Variants in NRXN3 observed in about 807,000 individuals in gnomAD.
NRXN3 encodes the protein neurexin 3, also known as neurexin III.
A neutral mutation model predicts 137.6 loss-of-function variants in NRXN3; 32 were observed. That is an observed-to-expected ratio of 0.23 (90% CI 0.18 to 0.31). NRXN3 has a LOEUF of 0.31. Among genes scored for constraint, NRXN3 ranks in the 10% least tolerant of loss-of-function variants. The pLI is 1.00. For synonymous variants in NRXN3, 798 were observed against 784.5 expected (o/e 1.02, Z -0.29); for missense variants, 1,574 against 2,062.5 (o/e 0.76, Z 4.59).
chr14:79,124,259 G>T (rs2056010859), intron 15 of NRXN3, among the ~76,000 whole-genome samples: 1 of 152,170 alleles, frequency 6.6e-6, no homozygotes, highest in East Asian at 1.9e-4. Flanking sequence ...AGTCTTCATT[G>T]CCTGCTCTCA....
At chr14:79,373,283 G>A (rs1265028015) in intron 15 of NRXN3, among the ~76,000 whole-genome samples, 2 of 151,948 alleles carry the variant, frequency 1.3e-5, no homozygotes, top group African/African-American at 4.8e-5. Flanking sequence ...AAATGCTCAT[G>A]GAAAACACTC....
intron 15 of NRXN3, among the ~76,000 whole-genome samples, chr14:79,352,698 G>A (rs1466868067): frequency 6.6e-6 from 1 of 152,100 alleles, no homozygotes; most frequent in East Asian, 1.9e-4. Flanking sequence ...GCTAAGATAT[G>A]TCTGATGCTA....
At chr14:79,811,581 CTTTT>C (rs370942970) in intron 20 of NRXN3, among the ~76,000 whole-genome samples, 1 of 116,606 alleles carries the variant, frequency 8.6e-6, no homozygotes, top group African/African-American at 3.2e-5. Flanking sequence ...TTTCTTTTTT[CTTTT>C]TTTTTTTTTT....
At chr14:78,444,985 A>G (rs1443645297) in intron 4 of NRXN3, among the ~76,000 whole-genome samples, 1 of 150,924 alleles carries the variant, frequency 6.6e-6, no homozygotes, top group Non-Finnish European at 1.5e-5. Context: ...CACCCAAGAT[A>G]TTTAATACAA....
intron 4 of NRXN3, among the ~76,000 whole-genome samples, chr14:78,509,285 C>T (rs1466523461): frequency 2.0e-5 from 3 of 152,102 alleles, no homozygotes; most frequent in East Asian, 1.9e-4. Context: ...GGCAACAGAG[C>T]GAGACCCCAT....
At chr14:79,182,304 A>G (rs934010289) in intron 15 of NRXN3, among the ~76,000 whole-genome samples, 1 of 70,064 alleles carries the variant, frequency 1.4e-5, no homozygotes, top group African/African-American at 5.6e-5. Flanking sequence ...ATTTATTTCT[A>G]TTATTACTAT....
chr14:79,782,304 T>C (rs1432953966), intron 19 of NRXN3, among the ~76,000 whole-genome samples: 2 of 152,212 alleles, frequency 1.3e-5, no homozygotes, highest in African/African-American at 4.8e-5. Flanking sequence ...CCCTATAGTT[T>C]CATGGAGTAA....
intron 15 of NRXN3, among the ~76,000 whole-genome samples, chr14:79,112,565 C>G (rs2053717673): frequency 6.6e-6 from 1 of 152,212 alleles, no homozygotes; most frequent in African/African-American, 2.4e-5. Flanking sequence ...TCTTTGCTGA[C>G]TTATTCAACA....
intron 10 of NRXN3, among the ~76,000 whole-genome samples, chr14:78,895,618 A>G (rs1383767211): frequency 6.6e-6 from 1 of 151,874 alleles, no homozygotes; most frequent in African/African-American, 2.4e-5. Context: ...TGCATTCACA[A>G]CTAGGTTAAC....
intron 10 of NRXN3, among the ~76,000 whole-genome samples, chr14:78,845,906 GT>G (rs1596442977): frequency 1.8e-5 from 1 of 56,652 alleles, no homozygotes; most frequent in Non-Finnish European, 3.3e-5. Context: ...GTATGTTGGG[GT>G]GTGTGTGTGT....
intron 4 of NRXN3, among the ~76,000 whole-genome samples, chr14:78,319,487 G>A (rs566860005): frequency 1.3e-5 from 2 of 152,156 alleles, no homozygotes; most frequent in Non-Finnish European, 2.9e-5. Context: ...ATTTCTGGGG[G>A]CCTACATGAT....
rs77889080 is a variant in NRXN3 at position 79,360,637 on chromosome 14, T to C, written c.3263-106584T>C. ...CAAGCTTTGGAGGTAAAATAGCTCA[T>C]GGAGTTTTTATTTATTTATTTATTC... On this transcript the variant is annotated intron_variant, in intron 15 of 20. Transcript: ENST00000335750. Among the ~76,000 whole-genome samples the C allele has an allele frequency of 6.4e-3, 982 of 152,328 alleles. 10 individuals carry two copies. Among genetic ancestry groups the C allele is most frequent in the African/African-American group, 0.022 (916 of 41,570 alleles).
At chr14:79,768,841 T>C (rs1004378665) in intron 19 of NRXN3, among the ~76,000 whole-genome samples, 1 of 151,820 alleles carries the variant, frequency 6.6e-6, no homozygotes, top group African/African-American at 2.4e-5. Context: ...CGGGAGGACA[T>C]TCAAACCAAA....
chr14:79,704,573 C>T (rs1053824135), intron 19 of NRXN3, among the ~76,000 whole-genome samples: 7 of 152,102 alleles, frequency 4.6e-5, no homozygotes, highest in African/African-American at 1.7e-4. Flanking sequence ...AGGATCAGGG[C>T]TCAACTAATA....
At chr14:78,549,320 G>T (rs1416179320) in intron 4 of NRXN3, among the ~76,000 whole-genome samples, 1 of 152,116 alleles carries the variant, frequency 6.6e-6, no homozygotes, top group African/African-American at 2.4e-5. Context: ...TGCCTTTGCT[G>T]TTGCTATGTC....
chr14:78,331,497 C>T (rs754533981), intron 4 of NRXN3, among the ~76,000 whole-genome samples: 3 of 152,148 alleles, frequency 2.0e-5, no homozygotes, highest in Non-Finnish European at 4.4e-5. Flanking sequence ...GGGCAGAGAA[C>T]GTGGCCGCAT....
intron 4 of NRXN3, among the ~76,000 whole-genome samples, chr14:78,330,667 T>C (rs2080708357): frequency 6.6e-6 from 1 of 152,148 alleles, no homozygotes; most frequent in African/African-American, 2.4e-5. Context: ...ATGATATACT[T>C]GGGTTTTTTG....
chr14:78,432,163 G>A (rs1214222820), intron 4 of NRXN3, among the ~76,000 whole-genome samples: 3 of 152,142 alleles, frequency 2.0e-5, no homozygotes, highest in South Asian at 2.1e-4. Context: ...GTATCCTAAC[G>A]TTGGCATATT....
chr14:78,242,291 C>T (rs180799997), intron 1 of NRXN3, 100 bp from the exon 2 acceptor site: 8 of 152,290 alleles, frequency 5.3e-5, no homozygotes, highest in East Asian at 1.9e-4. Context: ...TAGCTTGGCT[C>T]GAAGTCAGCA....
Sources: gnomAD v4.1 joint callset for allele counts (sites outside exome capture counted in the v4.1 genomes callset) on GRCh38, gnomAD v4.1.1 for gene constraint, MANE v1.5 for transcripts, NCBI Gene and HGNC (gene_info 2026-07-23, HGNC 2026-07-21) for gene names.